MBNL1: variants seen among roughly 807,000 people sequenced by gnomAD.
The protein encoded by MBNL1 is muscleblind-like protein 1.
A neutral mutation model predicts 42.2 loss-of-function variants in MBNL1; 8 were observed. The observed-to-expected ratio is 0.19, with a 90% CI of 0.11 to 0.34. The LOEUF (loss-of-function observed/expected upper bound fraction) is 0.34. Among genes scored for constraint, MBNL1 ranks in the 10% least tolerant of loss-of-function variants. The pLI is 1.00. For missense variants in MBNL1, 309 were observed against 495.3 expected (o/e 0.62, Z 3.57); for synonymous variants, 169 against 173.9 (o/e 0.97, Z 0.22).
At position 152,312,191 on chromosome 3, in the gene MBNL1, CA is replaced by C. The variant is rs34750394; in HGVS notation, c.174+11845del. ...TGGGCGACAGAGCGAGACTCCGTCT[CA>C]AAAAAAAAAAAAAAAAAAAAGAGAT... On this transcript the variant is annotated intron_variant, in intron 2 of 9. Transcript: ENST00000324210. Among the ~76,000 whole-genome samples, 163 of 47,512 alleles carry C rather than the reference CA, an allele frequency of 3.4e-3. 1 individual carries two copies. Among genetic ancestry groups the C allele is most frequent in the Middle Eastern group, 8.6e-3 (1 of 116 alleles). The allele number at this position is 47,512 out of a possible 152,430, so 31.2% of individuals were successfully genotyped here.
chr3:152,346,762 A>C (rs1350987577), intron 2 of MBNL1, among the ~76,000 whole-genome samples: 1 of 152,050 alleles, frequency 6.6e-6, no homozygotes, highest in East Asian at 1.9e-4. Context: ...TGAGGGTTTC[A>C]TAAGCTGTTT....
chr3:152,300,065 T>G lies in MBNL1; in HGVS notation c.-129T>G. Reference sequence around the variant, plus strand: ...TTCCATGTACTTTTAAAGCAGGGAGTGGGGAAAAGTATTTTGAGGGGACAT... The same window carrying G: ...TTCCATGTACTTTTAAAGCAGGGAGGGGGGAAAAGTATTTTGAGGGGACAT... On this transcript the variant is annotated 5_prime_UTR_variant, in exon 2 of 10. Coordinates refer to ENST00000324210, the MANE Select transcript of MBNL1 (RefSeq NM_021038.5). 1.8e-6 allele frequency: 1 copy of G among 546,688 alleles called. No individual in the cohort carries two copies. The highest frequency in any genetic ancestry group is 3.2e-6 in the Non-Finnish European group (1 of 309,604). The allele number at this position is 546,688 out of a possible 1,614,324, so 33.9% of individuals were successfully genotyped here.
intron 2 of MBNL1, among the ~76,000 whole-genome samples, chr3:152,325,310 T>C (rs1480212706): frequency 6.6e-6 from 1 of 152,078 alleles, no homozygotes; most frequent in Non-Finnish European, 1.5e-5. Context: ...AATAATTATG[T>C]ATCTTACTCC....
intron 2 of MBNL1, among the ~76,000 whole-genome samples, chr3:152,364,603 C>T (rs952578964): frequency 1.3e-5 from 2 of 151,460 alleles, no homozygotes; most frequent in Non-Finnish European, 2.9e-5. Context: ...AGAATTGGCT[C>T]ATTAGTGGAT....
intron 3 of MBNL1, among the ~76,000 whole-genome samples, chr3:152,423,074 A>G (rs545691858): frequency 8.5e-5 from 13 of 152,368 alleles, no homozygotes; most frequent in African/African-American, 2.6e-4. Flanking sequence ...AAAAGCTAGC[A>G]GAAGATAAAT....
intron 2 of MBNL1, among the ~76,000 whole-genome samples, chr3:152,349,715 G>GT (rs933918358): frequency 1.3e-4 from 20 of 151,888 alleles, no homozygotes; most frequent in African/African-American, 4.8e-4. Flanking sequence ...AAATTGAGGT[G>GT]TTGCTTTCAA....
chr3:152,357,089 C>T (rs1436693679), intron 2 of MBNL1, among the ~76,000 whole-genome samples: 7 of 152,108 alleles, frequency 4.6e-5, no homozygotes, highest in African/African-American at 1.7e-4. Flanking sequence ...TCATGTCATC[C>T]TGAATTATAA....
At chr3:152,306,628 T>A (rs983705809) in intron 2 of MBNL1, among the ~76,000 whole-genome samples, 1 of 152,210 alleles carries the variant, frequency 6.6e-6, no homozygotes, top group African/African-American at 2.4e-5. Context: ...GTTTTGTTTT[T>A]ATTTATTATT....
At chr3:152,282,189 A>G (rs2048895726) in intron 1 of MBNL1, among the ~76,000 whole-genome samples, 1 of 152,208 alleles carries the variant, frequency 6.6e-6, no homozygotes. Flanking sequence ...TAGTATCCAC[A>G]GACCCTAATT....
At chr3:152,335,357 T>C (rs2089065996) in intron 2 of MBNL1, 1 of 875,750 alleles carries the variant, frequency 1.1e-6, no homozygotes, top group Non-Finnish European at 1.6e-6. Context: ...GAAACTGTTT[T>C]AGAGAGGAAC....
At chr3:152,404,069 G>A (rs1455467471) in intron 2 of MBNL1, among the ~76,000 whole-genome samples, 1 of 152,140 alleles carries the variant, frequency 6.6e-6, no homozygotes, top group Non-Finnish European at 1.5e-5. Context: ...TTAATGGCTG[G>A]ACTTGAGGCA....
intron 2 of MBNL1, among the ~76,000 whole-genome samples, chr3:152,382,824 C>T (rs929502449): frequency 1.7e-4 from 26 of 152,032 alleles, no homozygotes; most frequent in African/African-American, 6.0e-4. Flanking sequence ...TATTCAACTT[C>T]GTTTTATATT....
intron 2 of MBNL1, among the ~76,000 whole-genome samples, chr3:152,407,006 TTTTC>T (rs1293223226): frequency 6.6e-6 from 1 of 151,944 alleles, no homozygotes; most frequent in Non-Finnish European, 1.5e-5. Context: ...ATGTGTGTAT[TTTTC>T]TTTCTTTTAT....
chr3:152,312,053 G>A (rs191124866), intron 2 of MBNL1, among the ~76,000 whole-genome samples: 5 of 151,434 alleles, frequency 3.3e-5, no homozygotes, highest in South Asian at 2.1e-4. Context: ...TTAGCCGGGC[G>A]TAGTGGCGGG....
intron 3 of MBNL1, among the ~76,000 whole-genome samples, chr3:152,425,542 A>G (rs1237722395): frequency 6.6e-6 from 1 of 151,832 alleles, no homozygotes; most frequent in African/African-American, 2.4e-5. Context: ...TGGGAGGCGG[A>G]GGTTGCAGTG....
intron 8 of MBNL1, chr3:152,458,060 A>G: frequency 1.5e-6 from 2 of 1,299,982 alleles, no homozygotes; most frequent in South Asian, 1.2e-5. Context: ...GCCTGCATGC[A>G]TGCAGAAGTT....
intron 2 of MBNL1, among the ~76,000 whole-genome samples, chr3:152,304,203 C>T (rs1279331051): frequency 1.0e-5 from 1 of 97,440 alleles, no homozygotes; most frequent in Non-Finnish European, 2.8e-5. Context: ...GTAAGGCAAA[C>T]AAGTATCCAG....
intron 2 of MBNL1, among the ~76,000 whole-genome samples, chr3:152,393,720 A>G (rs553094105): frequency 8.5e-5 from 13 of 152,336 alleles, no homozygotes; most frequent in African/African-American, 2.9e-4. Flanking sequence ...ATGATAAGCA[A>G]GTAGATACCT....
At chr3:152,340,833 TA>T in intron 2 of MBNL1, 1 of 1,613,630 alleles carries the variant, frequency 6.2e-7, no homozygotes, top group Non-Finnish European at 8.5e-7. Flanking sequence ...TGATCCCACC[TA>T]AAGCAGCCAG....
Sources: allele counts gnomAD v4.1 joint callset (sites outside exome capture counted in the v4.1 genomes callset), GRCh38; gene constraint gnomAD v4.1.1; transcripts MANE v1.5; gene names NCBI Gene and HGNC (gene_info 2026-07-23, HGNC 2026-07-21).